CEP350: variants seen among roughly 807,000 people sequenced by gnomAD.
CEP350 encodes centrosome-associated protein 350.
CEP350 carries 126 observed loss-of-function variants against 331.8 expected under a neutral mutation model. The observed-to-expected ratio is 0.38, with a 90% confidence interval of 0.33 to 0.44. CEP350 has a LOEUF of 0.44. Among genes scored for constraint, CEP350 ranks in the 20% least tolerant of loss-of-function variants. CEP350 has a pLI of 1.00. For synonymous variants in CEP350, 1,200 were observed against 1,259.5 expected (o/e 0.95, Z 1.00); for missense variants, 3,406 against 3,634.6 (o/e 0.94, Z 1.62).
At chr1:179,974,844 C>T (rs942806386) in intron 1 of CEP350, among the ~76,000 whole-genome samples, 8 of 151,790 alleles carry the variant, frequency 5.3e-5, no homozygotes, top group East Asian at 1.9e-4. Flanking sequence ...AAGATAAATT[C>T]GTTGGACATG....
intron 1 of CEP350, among the ~76,000 whole-genome samples, chr1:179,963,118 A>C (rs943488678): frequency 6.6e-6 from 1 of 151,908 alleles, no homozygotes; most frequent in African/African-American, 2.4e-5. Flanking sequence ...TTCTTTTGAG[A>C]AGTATCCGTT....
chr1:180,091,135 G>T (rs1476190705), intron 33 of CEP350, among the ~76,000 whole-genome samples: 1 of 151,128 alleles, frequency 6.6e-6, no homozygotes, highest in African/African-American at 2.4e-5. Flanking sequence ...AGCCTCCCAA[G>T]TAGCCAGGAC....
At chr1:180,067,315 T>C (rs1658601899) in intron 27 of CEP350, among the ~76,000 whole-genome samples, 1 of 152,258 alleles carries the variant, frequency 6.6e-6, no homozygotes, top group Non-Finnish European at 1.5e-5. Context: ...TTGATCTGTT[T>C]GAGGCAATGA....
At chr1:179,968,713 A>C in intron 1 of CEP350, 2 of 569,782 alleles carry the variant, frequency 3.5e-6, no homozygotes, top group African/African-American at 1.9e-5. Context: ...TGCAGGAGGA[A>C]CCCACTTAGA....
At chr1:180,042,801 G>A (rs1434806182) in intron 19 of CEP350, among the ~76,000 whole-genome samples, 2 of 152,176 alleles carry the variant, frequency 1.3e-5, no homozygotes, top group Non-Finnish European at 2.9e-5. Flanking sequence ...ATGCTTTAAG[G>A]TTTTCTGTCT....
At chr1:180,061,915 G>A (rs1407866206) in intron 25 of CEP350, among the ~76,000 whole-genome samples, 1 of 152,118 alleles carries the variant, frequency 6.6e-6, no homozygotes, top group East Asian at 1.9e-4. Flanking sequence ...AAACTAGTAA[G>A]TGTAAACGTT....
At chr1:179,956,791 T>C (rs1314031405) in intron 1 of CEP350, among the ~76,000 whole-genome samples, 1 of 152,026 alleles carries the variant, frequency 6.6e-6, no homozygotes, top group Non-Finnish European at 1.5e-5. Flanking sequence ...ATGGCAGATA[T>C]CCTTATTTTG....
rs112207615 is a variant in CEP350, at chr1:179,996,711, A to G, written c.554A>G (p.Gln185Arg). The change falls in exon 6 of 38, where the codon CAA (glutamine) becomes CGA (arginine). Residue 185 changes from glutamine (Q) to arginine (R), a missense_variant. Coordinates refer to ENST00000367607, the MANE Select transcript of CEP350 (RefSeq NM_014810.5). ...NIRSCDFESS[Q>R]SSVINDTVVR... Reference sequence around the variant, plus strand: ...CGGAGCTGTGATTTTGAGAGCTCCCAATCATCTGTCATCAATGATACAGTT... The same window carrying G: ...CGGAGCTGTGATTTTGAGAGCTCCCGATCATCTGTCATCAATGATACAGTT... 2 of 1,613,700 alleles carry G rather than the reference A, an allele frequency of 1.2e-6. No individual in the cohort carries two copies.
chr1:180,095,600 C>A lies in CEP350; in HGVS notation c.8589C>A (p.Phe2863Leu), dbSNP rs1381519519. ...RLAELELSREFLSALGDDQDW... is the reference protein window; with the variant it reads ...RLAELELSRELLSALGDDQDW... ...CTGAACTTGAACTCAGCCGGGAGTT[C>A]CTGAGCGCGTTAGGAGATGATCAAG... The change falls in exon 35 of 38, where the codon TTC becomes TTA. Residue 2863 changes from phenylalanine to leucine, a missense_variant. Physicochemically the swap from Phe to Leu is conservative, Grantham distance 22. Coordinates refer to ENST00000367607, the MANE Select transcript of CEP350 (RefSeq NM_014810.5). The A allele has an allele frequency of 6.2e-7, 1 of 1,613,798 alleles. No homozygotes were observed. The highest frequency in any genetic ancestry group is 1.7e-5 in the Admixed American group (1 of 60,002).
rs1319842618 is a variant in CEP350 at position 180,098,886 on chromosome 1, C to T, written c.9090C>T (p.Leu3030=). The part of the protein sequence containing the change: ...EIKSFIASEV[L]KLFSLKKEPN... ...AGAGCTTCATAGCAAGTGAAGTACTCAAGTTGTTCAGTCTTAAAAAGGAGC... is the reference window on the plus strand; with the variant it reads ...AGAGCTTCATAGCAAGTGAAGTACTTAAGTTGTTCAGTCTTAAAAAGGAGC... Residue 3030 remains leucine (L), a synonymous_variant, in exon 37 of 38, where the codon CTC becomes CTT. Coordinates refer to ENST00000367607, the MANE Select transcript of CEP350 (RefSeq NM_014810.5). The T allele has an allele frequency of 8.7e-6, 14 of 1,612,998 alleles. No individual in the cohort carries two copies. The highest frequency in any genetic ancestry group is 1.6e-4 in the Middle Eastern group (1 of 6,068).
At position 179,996,573 on chromosome 1, in the gene CEP350, C is replaced by G; in HGVS notation, c.416C>G (p.Ser139Cys). The G allele has an allele frequency of 3.2e-6, 5 of 1,567,962 alleles. No individual in the cohort carries two copies. Among genetic ancestry groups the G allele is most frequent in the Non-Finnish European group, 4.3e-6 (5 of 1,154,682 alleles). Residue 139 changes from serine to cysteine, a missense_variant, in exon 6 of 38, where the codon TCC becomes TGC. Transcript: ENST00000367607. The stretch of plus-strand genomic sequence containing the variant: ...TGTAGGGAAATCCATGGTGCACCTT[C>G]CAATTTCAGTTCCAGCCATCTGGAA... ...VSYREIHGAP[S>C]NFSSSHLESK...
At chr1:180,091,994 A>C (rs1660224643) in intron 33 of CEP350, among the ~76,000 whole-genome samples, 1 of 150,970 alleles carries the variant, frequency 6.6e-6, no homozygotes, top group African/African-American at 2.4e-5. Context: ...GGCAACAGGG[A>C]GCTGTGACCA....
intron 1 of CEP350, among the ~76,000 whole-genome samples, chr1:179,960,562 A>G (rs945461297): frequency 5.3e-5 from 8 of 152,136 alleles, no homozygotes; most frequent in Non-Finnish European, 1.0e-4. Flanking sequence ...AGTTTGAGAT[A>G]CCACACAAGA....
Position 180,031,396 on chromosome 1 carries a change from A to G in CEP350, c.3627A>G (p.Gly1209=), listed in dbSNP as rs754783910. The stretch of plus-strand genomic sequence containing the variant: ...AAGCAGAACGTGGCTCCCATCAAGG[A>G]AAGAAATCTGGGACCAGCAGCAAAC... ...EEKAERGSHQ[G]KKSGTSSKLS... The change falls in exon 15 of 38, where the codon GGA becomes GGG. Residue 1209 remains glycine (G), a synonymous_variant. Transcript: ENST00000367607. 16 of 1,608,198 alleles carry G rather than the reference A, an allele frequency of 9.9e-6. No individual in the cohort carries two copies. The Admixed American group carries it at 2.7e-4, about 27-fold the overall frequency.
chr1:179,991,667 ATGTG>A lies in CEP350; in HGVS notation c.236-357_236-354del, dbSNP rs751570955. On this transcript the variant is annotated intron_variant, in intron 4 of 37. Transcript: ENST00000367607. ...TAAACTGTGATATGTATATATATAT[ATGTG>A]TGTGTGTGTGTGTGTGTGTGTGTGT... Among the ~76,000 whole-genome samples the A allele has an allele frequency of 3.7e-3, 335 of 90,206 alleles. 1 individual carries two copies. The highest frequency in any genetic ancestry group is 9.6e-3 in the Middle Eastern group (1 of 104). 59.2% of individuals were successfully genotyped at this position (90,206 alleles called of 152,430 possible).
At chr1:180,057,064 G>A (rs544662130) in intron 25 of CEP350, among the ~76,000 whole-genome samples, 1 of 147,868 alleles carries the variant, frequency 6.8e-6, no homozygotes, top group African/African-American at 2.5e-5. Flanking sequence ...TTTTGACTCT[G>A]TTGAAATTCT....
At position 180,036,925 on chromosome 1, in the gene CEP350, G is replaced by T; in HGVS notation, c.3947-1G>T. 2 of 1,546,498 alleles carry T rather than the reference G, an allele frequency of 1.3e-6. No individual in the cohort carries two copies. Among genetic ancestry groups the T allele is most frequent in the Non-Finnish European group, 1.7e-6 (2 of 1,148,564 alleles). On this transcript the variant is annotated splice_acceptor_variant, in intron 16 of 37. Transcript: ENST00000367607. LOFTEE classifies it high-confidence loss of function. ...CATTTGACCATTGTCATGCCTTCCAGGTTCTAAGCGCTTTTCTCCTGCTGG... is the reference window on the plus strand; with the variant it reads ...CATTTGACCATTGTCATGCCTTCCATGTTCTAAGCGCTTTTCTCCTGCTGG...
intron 22 of CEP350, among the ~76,000 whole-genome samples, chr1:180,051,505 G>A (rs1657499979): frequency 6.6e-6 from 1 of 151,694 alleles, no homozygotes; most frequent in Non-Finnish European, 1.5e-5. Context: ...TGAAGGAACT[G>A]TTACATAGAG....
At chr1:179,995,520 G>T (rs142585289) in intron 5 of CEP350, among the ~76,000 whole-genome samples, 3 of 152,136 alleles carry the variant, frequency 2.0e-5, no homozygotes, top group Non-Finnish European at 2.9e-5. Flanking sequence ...CAGGAGAATC[G>T]CTTGAACCCG....
Sources: allele counts gnomAD v4.1 joint callset (sites outside exome capture counted in the v4.1 genomes callset), GRCh38; gene constraint gnomAD v4.1.1; transcripts MANE v1.5; gene names NCBI Gene and HGNC (gene_info 2026-07-23, HGNC 2026-07-21).